PPP1R9A: variants seen among roughly 807,000 people sequenced by gnomAD.
PPP1R9A encodes the protein protein phosphatase 1 regulatory subunit 9A, also known as neurabin-1.
In PPP1R9A, 59 loss-of-function variants were observed where a neutral mutation model predicts 141.9. That is an observed-to-expected ratio of 0.42 (90% CI 0.34 to 0.52). The LOEUF is 0.52. Ranked by LOEUF, PPP1R9A falls within the 20% of genes least tolerant of loss-of-function variation. The pLI is 0.10. For synonymous variants in PPP1R9A, 500 were observed against 569.7 expected, an observed-to-expected ratio of 0.88 and a Z score of 1.74; for missense variants, 1,444 against 1,611.9, an observed-to-expected ratio of 0.90 and a Z score of 1.78.
At chr7:95,101,137 C>A (rs1440823852) in intron 2 of PPP1R9A, among the ~76,000 whole-genome samples, 1 of 152,102 alleles carries the variant, frequency 6.6e-6, no homozygotes, top group Non-Finnish European at 1.5e-5. Context: ...CAGGCGTGAG[C>A]CACCGCGCCC....
chr7:95,233,134 G>A (rs533323013), intron 8 of PPP1R9A, among the ~76,000 whole-genome samples: 1 of 152,254 alleles, frequency 6.6e-6, no homozygotes, highest in South Asian at 2.1e-4. Flanking sequence ...GCCCATCATT[G>A]ATAGACTGGA....
chr7:95,034,561 C>T (rs1808177250), intron 2 of PPP1R9A, among the ~76,000 whole-genome samples: 1 of 152,074 alleles, frequency 6.6e-6, no homozygotes, highest in Non-Finnish European at 1.5e-5. Context: ...CCACGTTGGT[C>T]CAGCTGGTCT....
chr7:94,923,882 G>A (rs990704454), intron 2 of PPP1R9A, among the ~76,000 whole-genome samples: 1 of 152,136 alleles, frequency 6.6e-6, no homozygotes. Flanking sequence ...ACAGTTTTAA[G>A]CAGTTCTGGG....
chr7:94,927,168 G>A (rs1386144030), intron 2 of PPP1R9A, among the ~76,000 whole-genome samples: 2 of 151,916 alleles, frequency 1.3e-5, no homozygotes, highest in African/African-American at 4.8e-5. Flanking sequence ...TTTTTTGGGG[G>A]GGTTATGTAT....
chr7:94,910,380 G>T lies in PPP1R9A; in HGVS notation c.267G>T (p.Gly89=). 6.2e-7 allele frequency: 1 copy of T among 1,614,136 alleles called. No homozygotes were observed. Among genetic ancestry groups the T allele is most frequent in the Non-Finnish European group, 8.5e-7 (1 of 1,180,034 alleles). The change falls in exon 2 of 20, where the codon GGG becomes GGT. Residue 89 remains glycine (G), a synonymous_variant. Coordinates refer to ENST00000433360, the MANE Select transcript of PPP1R9A (RefSeq NM_001166160.2). This position sits in a 1 kb window ranked among gnomAD's most constrained non-coding sequence, Gnocchi z 4.5. ...ENAAVIAKTR[G]KGGHSSPQRR... ...CTGCAGTCATTGCCAAAACAAGGGG[G>T]AAAGGTGGACATTCATCTCCTCAGA...
At chr7:95,271,578 G>T (rs1585567949) in intron 14 of PPP1R9A, among the ~76,000 whole-genome samples, 1 of 152,164 alleles carries the variant, frequency 6.6e-6, no homozygotes, top group African/African-American at 2.4e-5. Flanking sequence ...GGTCAGGACT[G>T]CCAGGTAGAT....
chr7:95,177,876 T>G (rs1008380288), intron 5 of PPP1R9A, among the ~76,000 whole-genome samples: 1 of 152,072 alleles, frequency 6.6e-6, no homozygotes, highest in African/African-American at 2.4e-5. Flanking sequence ...AGCTCCCAAA[T>G]TTATAAAACA....
chr7:94,982,119 C>G (rs540913534), intron 2 of PPP1R9A, among the ~76,000 whole-genome samples: 1 of 152,214 alleles, frequency 6.6e-6, no homozygotes, highest in East Asian at 1.9e-4. Flanking sequence ...ATGATGGTTT[C>G]CAGCTTCATC....
rs1177172029 is a variant in PPP1R9A at position 95,286,326 on chromosome 7, G to A, written c.3729+1G>A. ...GTCCTTAGCACTGTCATCAGATGAG[G>A]TAATTCCATGGCACTATGACAGAGC... On this transcript the variant is annotated splice_donor_variant, in intron 18 of 19. Coordinates refer to ENST00000433360, the MANE Select transcript of PPP1R9A (RefSeq NM_001166160.2). LOFTEE classifies it high-confidence loss of function. 6.2e-7 allele frequency: 1 copy of A among 1,612,836 alleles called. No individual in the cohort carries two copies. The highest frequency in any genetic ancestry group is 1.1e-5 in the South Asian group (1 of 91,054).
chr7:94,999,037 G>A (rs1210387681), intron 2 of PPP1R9A, among the ~76,000 whole-genome samples: 1 of 152,190 alleles, frequency 6.6e-6, no homozygotes, highest in Non-Finnish European at 1.5e-5. Flanking sequence ...TTACAGGTGT[G>A]AGCCACTGCC....
At chr7:94,937,616 C>T (rs999470464) in intron 2 of PPP1R9A, among the ~76,000 whole-genome samples, 3 of 152,108 alleles carry the variant, frequency 2.0e-5, no homozygotes, top group Non-Finnish European at 4.4e-5. Context: ...ATTACACAGG[C>T]GTAGTTTCTT....
chr7:94,923,560 A>G (rs1009090468), intron 2 of PPP1R9A, among the ~76,000 whole-genome samples: 1 of 152,164 alleles, frequency 6.6e-6, no homozygotes, highest in African/African-American at 2.4e-5. Context: ...CCATTTGAAT[A>G]TGTTTCCTGT....
intron 2 of PPP1R9A, among the ~76,000 whole-genome samples, chr7:95,080,752 A>T (rs796099949): frequency 6.6e-6 from 1 of 152,142 alleles, no homozygotes; most frequent in East Asian, 1.9e-4. Flanking sequence ...ATCAATATGC[A>T]AAAGAGGCAT....
At chr7:94,923,970 A>G (rs1359274873) in intron 2 of PPP1R9A, among the ~76,000 whole-genome samples, 2 of 152,172 alleles carry the variant, frequency 1.3e-5, no homozygotes, top group Non-Finnish European at 2.9e-5. Flanking sequence ...CTTTTTGTTA[A>G]GTATTCTTAA....
rs942089288 is a variant in PPP1R9A, at chr7:95,209,219, G to T, written c.1956+5489G>T. 2.6e-5 allele frequency among the ~76,000 whole-genome samples: 4 copies of T among 152,240 alleles called. 1 individual carries two copies. In the South Asian group the frequency reaches 6.2e-4, roughly 24 times the overall value. Reference sequence around the variant, plus strand: ...AAATCTGCTGTGTATAATGTACTTTGCAGTTATGTGATTATGTGGATATAA... The same window carrying T: ...AAATCTGCTGTGTATAATGTACTTTTCAGTTATGTGATTATGTGGATATAA... On this transcript the variant is annotated intron_variant, in intron 7 of 19. Transcript: ENST00000433360.
intron 2 of PPP1R9A, among the ~76,000 whole-genome samples, chr7:95,037,447 G>A (rs947638490): frequency 1.3e-5 from 2 of 152,104 alleles, no homozygotes; most frequent in East Asian, 3.9e-4. Flanking sequence ...ATAATTATTA[G>A]GACCACATGT....
intron 7 of PPP1R9A, among the ~76,000 whole-genome samples, chr7:95,205,628 G>T (rs1790622902): frequency 1.3e-5 from 2 of 152,162 alleles, no homozygotes; most frequent in African/African-American, 2.4e-5. Context: ...TATGCCTTTT[G>T]TTTCCTATAC....
chr7:95,068,055 C>G (rs2152120483), intron 2 of PPP1R9A, among the ~76,000 whole-genome samples: 2 of 152,146 alleles, frequency 1.3e-5, no homozygotes, highest in African/African-American at 4.8e-5. Flanking sequence ...GCTAAAGGAA[C>G]AAAAACAAAC....
chr7:95,157,961 G>A (rs1233012284), intron 4 of PPP1R9A, among the ~76,000 whole-genome samples: 1 of 152,006 alleles, frequency 6.6e-6, no homozygotes, highest in African/African-American at 2.4e-5. Context: ...CATATTACTT[G>A]GTAAATAAAC....
Sources: allele counts gnomAD v4.1 joint callset (sites outside exome capture counted in the v4.1 genomes callset), GRCh38; gene constraint gnomAD v4.1.1; non-coding constraint Gnocchi (gnomAD v3.1); transcripts MANE v1.5; gene names NCBI Gene and HGNC (gene_info 2026-07-23, HGNC 2026-07-21).